CYLD: variants seen among roughly 807,000 people sequenced by gnomAD.
CYLD encodes CYLD lysine 63 deubiquitinase, also known as ubiquitin carboxyl-terminal hydrolase CYLD.
In CYLD, 26 loss-of-function variants were observed where a neutral mutation model predicts 104.5. That is an observed-to-expected ratio of 0.25 (90% CI 0.18 to 0.35). The LOEUF (loss-of-function observed/expected upper bound fraction) is 0.35. Ranked by LOEUF, CYLD falls within the 10% of genes least tolerant of loss-of-function variation. The pLI is 1.00. For missense variants in CYLD, 703 were observed against 1,136.1 expected (o/e 0.62, Z 5.48); for synonymous variants, 385 against 399.9 (o/e 0.96, Z 0.45).
At chr16:50,781,436 TAAC>T (rs751727876) in intron 10 of CYLD, 25 bp downstream of exon 10, 4 of 1,612,022 alleles carry the variant, frequency 2.5e-6, no homozygotes, top group Non-Finnish European at 2.5e-6. Flanking sequence ...TTTGTTTACT[TAAC>T]AACCTGGAAT....
At chr16:50,780,105 G>T in intron 9 of CYLD, 61 bp downstream of exon 9, 1 of 1,585,078 alleles carries the variant, frequency 6.3e-7, no homozygotes, top group Non-Finnish European at 8.6e-7. Context: ...TGCAGATTTC[G>T]CCCTATTATA....
intron 6 of CYLD, 62 bp from the exon 7 acceptor site, chr16:50,776,117 T>A: frequency 8.3e-7 from 1 of 1,210,636 alleles, no homozygotes; most frequent in Non-Finnish European, 1.2e-6. Context: ...GTTACTGTCA[T>A]TCCTTGTTTC....
intron 11 of CYLD, among the ~76,000 whole-genome samples, chr16:50,782,799 G>A (rs547187342): frequency 1.3e-5 from 2 of 151,414 alleles, no homozygotes; most frequent in South Asian, 2.1e-4. Flanking sequence ...GTTATGTGCT[G>A]TATTTCTTTT....
chr16:50,793,806 C>A, intron 17 of CYLD, 142 bp downstream of exon 17: 1 of 693,370 alleles, frequency 1.4e-6, no homozygotes. Context: ...TTGCTTTTGC[C>A]TTTTCTGTTT....
chr16:50,781,441 A>G, intron 10 of CYLD, 30 bp downstream of exon 10: 1 of 1,609,918 alleles, frequency 6.2e-7, no homozygotes, highest in Admixed American at 1.7e-5. Context: ...TTACTTAACA[A>G]CCTGGAATGA....
rs1292662477 is a variant in CYLD, at chr16:50,781,193, A to C, written c.1519-53A>C. 5 of 1,601,840 alleles carry C rather than the reference A, an allele frequency of 3.1e-6. No homozygotes were observed. In the African/African-American group the frequency reaches 6.7e-5, roughly 21 times the overall value. ...GGTCTTAGAAACCTTAGTTCTTTGT[A>C]TACTATCTCTGTAAGGCACGGTATA... is the stretch of plus-strand genomic sequence containing the variant. On this transcript the variant is annotated intron_variant, in intron 9 of 18. Coordinates refer to ENST00000427738, the MANE Select transcript of CYLD (RefSeq NM_001378743.1).
chr16:50,780,334 C>T (rs912292482), intron 9 of CYLD, among the ~76,000 whole-genome samples: 1 of 152,180 alleles, frequency 6.6e-6, no homozygotes, highest in African/African-American at 2.4e-5. Flanking sequence ...AATTTGCCAT[C>T]AGCTTTTCTC....
intron 5 of CYLD, among the ~76,000 whole-genome samples, chr16:50,766,673 C>T (rs536590853): frequency 4.8e-4 from 73 of 152,152 alleles, no homozygotes; most frequent in African/African-American, 1.7e-3. Context: ...AAAATATCAA[C>T]ATTAACAGGA....
intron 5 of CYLD, among the ~76,000 whole-genome samples, chr16:50,769,858 A>G (rs760967030): frequency 3.9e-5 from 6 of 152,232 alleles, no homozygotes; most frequent in Non-Finnish European, 7.3e-5. Context: ...GATTTCTGTA[A>G]TTCAGTCATT....
intron 12 of CYLD, chr16:50,785,046 A>T (rs1231162504): frequency 6.5e-6 from 1 of 153,866 alleles, no homozygotes; most frequent in African/African-American, 2.4e-5. Context: ...TGGCCACAGG[A>T]AGCAATTTGT....
At chr16:50,795,572 C>T (rs527698665) in intron 18 of CYLD, 63 of 702,994 alleles carry the variant, frequency 9.0e-5, no homozygotes, top group Admixed American at 3.4e-4. Context: ...CCAGCCCCCA[C>T]GGCCTTCTGG....
At chr16:50,789,964 A>G (rs996076675) in intron 14 of CYLD, among the ~76,000 whole-genome samples, 2 of 152,210 alleles carry the variant, frequency 1.3e-5, no homozygotes, top group Admixed American at 1.3e-4. Flanking sequence ...GAGCTGAGGA[A>G]AGTACCCAGA....
chr16:50,762,637 G>C (rs1968079334), intron 5 of CYLD, among the ~76,000 whole-genome samples: 1 of 152,150 alleles, frequency 6.6e-6, no homozygotes, highest in Non-Finnish European at 1.5e-5. Context: ...AGTTCTGTTA[G>C]GATTTTGGAA....
chr16:50,767,679 A>G (rs1968669447), intron 5 of CYLD, among the ~76,000 whole-genome samples: 1 of 152,172 alleles, frequency 6.6e-6, no homozygotes, highest in South Asian at 2.1e-4. Flanking sequence ...TAAGATTGAG[A>G]TACCTGAACT....
chr16:50,751,976 A>T (rs897918884), intron 4 of CYLD, 70 bp downstream of exon 4: 33 of 424,148 alleles, frequency 7.8e-5, no homozygotes, highest in Non-Finnish European at 1.0e-4. Flanking sequence ...ATATATATAT[A>T]TAAACATATA....
rs779388734 is a variant in CYLD, at chr16:50,781,376, C to T, written c.1649C>T (p.Pro550Leu). The change falls in exon 10 of 19, where the codon CCG (proline) becomes CTG (leucine). Residue 550 changes from proline to leucine, a missense_variant. Pro to Leu is a moderately conservative substitution (Grantham distance 98). Around this residue, in one of 5 missense-constraint regions of CYLD, gnomAD observed 125 missense variants for 325.4 expected, o/e 0.38. Transcript: ENST00000427738. The part of the protein sequence containing the change: ...RPDSRFASLQ[P>L]VSNQIERCNS... ...GACTCTAGGTTTGCATCATTGCAGC[C>T]GGTTTCCAATCAGATTGAGCGCTGT... 14 of 1,613,524 alleles carry T rather than the reference C, an allele frequency of 8.7e-6. No homozygotes were observed. Among genetic ancestry groups the T allele is most frequent in the East Asian group, 2.2e-5 (1 of 44,900 alleles).
intron 2 of CYLD, among the ~76,000 whole-genome samples, chr16:50,747,956 G>C (rs529473880): frequency 1.3e-5 from 2 of 152,206 alleles, no homozygotes; most frequent in Non-Finnish European, 2.9e-5. Flanking sequence ...TTTTAGGAAC[G>C]TTACCATTAT....
In CYLD at chr16:50,801,216, G is replaced by C. The variant is rs1275467341; in HGVS notation, c.*4708G>C. The stretch of plus-strand genomic sequence containing the variant: ...GCAGTGGTAATGCATTAACCAGCAA[G>C]TGTGGCCAAGGATAATGAAAAAGTG... On this transcript the variant is annotated 3_prime_UTR_variant, in exon 19 of 19. Transcript: ENST00000427738. The C allele has an allele frequency of 1.3e-5, 3 of 233,464 alleles. No homozygotes were observed. In the East Asian group the frequency reaches 1.8e-4, roughly 14 times the overall value. The allele number at this position is 233,464 out of a possible 1,614,324, so 14.5% of individuals were successfully genotyped here.
chr16:50,793,774 A>G lies in CYLD; in HGVS notation c.2469+110A>G, dbSNP rs1404832488. ...TTTTTTAAAATCATAATTAACGGTT[A>G]AAAATTCACAATAAAATGGTATTGC... On this transcript the variant is annotated intron_variant, in intron 17 of 18. Coordinates refer to ENST00000427738, the MANE Select transcript of CYLD (RefSeq NM_001378743.1). The G allele has an allele frequency of 5.0e-6, 4 of 802,864 alleles. No homozygotes were observed. The African/African-American group carries it at 5.1e-5, about 10-fold the overall frequency. The allele number at this position is 802,864 out of a possible 1,614,324, so 49.7% of individuals were successfully genotyped here.
Sources: gnomAD v4.1 joint callset for allele counts (sites outside exome capture counted in the v4.1 genomes callset) on GRCh38, gnomAD v4.1.1 for gene constraint, gnomAD v4.1.1 regional missense constraint, MANE v1.5 for transcripts, NCBI Gene and HGNC (gene_info 2026-07-23, HGNC 2026-07-21) for gene names.